The following MVP variants were observed in gnomAD, a reference collection of about 807,000 sequenced individuals.
The protein encoded by MVP is lung resistance-related protein.
In MVP, 62 loss-of-function variants were observed where a neutral mutation model predicts 83.5. The observed-to-expected ratio is 0.74, with a 90% CI of 0.61 to 0.92. The LOEUF (loss-of-function observed/expected upper bound fraction) is 0.92. Among genes scored for constraint, MVP ranks in the 40% least tolerant of loss-of-function variants. The pLI, the probability that MVP is intolerant of heterozygous loss-of-function variation, is 0.00. For missense variants in MVP, 1,000 were observed against 1,203.4 expected (o/e 0.83, Z 2.50); for synonymous variants, 505 against 504.1 (o/e 1.00, Z -0.02).
intron 6 of MVP, 118 bp from the exon 7 acceptor site, chr16:29,836,604 T>G: frequency 1.3e-6 from 1 of 764,866 alleles, no homozygotes; most frequent in Non-Finnish European, 2.1e-6. Flanking sequence ...AATCCCTGGA[T>G]TGGTAGAAAT....
In MVP at chr16:29,830,679, G is replaced by C; in HGVS notation, c.125+5G>C. The C allele has an allele frequency of 6.2e-7, 1 of 1,613,826 alleles. No homozygotes were observed. The highest frequency in any genetic ancestry group is 1.1e-5 in the South Asian group (1 of 91,058). ...CATCCGGCAGGACAATGAGAGGTGGGTGTGGGGGCTGGGCTGTGGGGGATC... is the reference window on the plus strand; with the variant it reads ...CATCCGGCAGGACAATGAGAGGTGGCTGTGGGGGCTGGGCTGTGGGGGATC... On this transcript the variant is annotated splice_donor_5th_base_variant and intron_variant, in intron 2 of 14. Transcript: ENST00000357402.
intron 7 of MVP, among the ~76,000 whole-genome samples, chr16:29,838,118 T>C (rs183803999): frequency 6.6e-6 from 1 of 152,198 alleles, no homozygotes; most frequent in East Asian, 1.9e-4. Context: ...GAATAGTTTA[T>C]CTGCAAAAAC....
At chr16:29,832,148 C>T (rs758045024) in intron 3 of MVP, among the ~76,000 whole-genome samples, 1 of 152,106 alleles carries the variant, frequency 6.6e-6, no homozygotes, top group Non-Finnish European at 1.5e-5. Flanking sequence ...AATAGCAGAA[C>T]ATGGGGAACT....
At chr16:29,843,562 G>GAGGGAGGGAGGA (rs2067554332) in intron 10 of MVP, among the ~76,000 whole-genome samples, 1 of 49,944 alleles carries the variant, frequency 2.0e-5, no homozygotes, top group African/African-American at 1.0e-4. Context: ...GGGAGGGAGG[G>GAGGGAGGGAGGA]AGGGAGGGAG....
intron 1 of MVP, among the ~76,000 whole-genome samples, chr16:29,829,431 G>A (rs945214154): frequency 6.8e-6 from 1 of 146,714 alleles, no homozygotes; most frequent in African/African-American, 2.5e-5. Context: ...CTCCAGCCTG[G>A]GTGACAGAGT....
intron 6 of MVP, 38 bp downstream of exon 6, chr16:29,835,836 G>A: frequency 6.3e-7 from 1 of 1,575,912 alleles, no homozygotes; most frequent in Non-Finnish European, 8.7e-7. Flanking sequence ...GGGACCTGGG[G>A]CTAGGGAACC....
intron 1 of MVP, chr16:29,822,653 C>G (rs2067371992): frequency 6.6e-6 from 1 of 152,264 alleles, no homozygotes; most frequent in Non-Finnish European, 1.5e-5. Context: ...CTGCCTGGAC[C>G]TGGGTAAGGG....
intron 5 of MVP, chr16:29,834,867 G>GTT (rs1295076514): frequency 3.2e-5 from 3 of 94,276 alleles, no homozygotes; most frequent in East Asian, 3.2e-4. Context: ...TTTTTTTTTT[G>GTT]TATTTTTTTT....
At chr16:29,831,314 C>T (rs71389429) in intron 3 of MVP, among the ~76,000 whole-genome samples, 24,398 of 151,986 alleles carry the variant, frequency 0.16, 2,144 homozygotes, top group African/African-American at 0.24. Context: ...CCACCACGCC[C>T]GGCTAATTTT....
At chr16:29,844,462 G>A (rs1399541888) in intron 10 of MVP, 31 bp from the exon 11 acceptor site, 2 of 1,518,886 alleles carry the variant, frequency 1.3e-6, no homozygotes, top group Admixed American at 4.4e-5. Context: ...GGTGAAAGCA[G>A]CTTCCCCATT....
At chr16:29,824,121 CAGG>C (rs1279957896) in intron 1 of MVP, among the ~76,000 whole-genome samples, 2 of 137,346 alleles carry the variant, frequency 1.5e-5, no homozygotes, top group Non-Finnish European at 3.0e-5. Context: ...GAGGCTGAAG[CAGG>C]AGAATTGCTT....
intron 13 of MVP, among the ~76,000 whole-genome samples, chr16:29,846,682 AC>A (rs1314029313): frequency 6.6e-6 from 1 of 152,076 alleles, no homozygotes; most frequent in Non-Finnish European, 1.5e-5. Context: ...ACATGGTGAA[AC>A]CCCATCTCTA....
chr16:29,825,548 A>G (rs2067399114), intron 1 of MVP, among the ~76,000 whole-genome samples: 1 of 152,216 alleles, frequency 6.6e-6, no homozygotes, highest in African/African-American at 2.4e-5. Flanking sequence ...GTCTAGGCAG[A>G]AGGCCCAGGT....
chr16:29,847,637 G>A (rs1313400691), intron 14 of MVP, 125 bp from the exon 15 acceptor site: 1 of 1,045,166 alleles, frequency 9.6e-7, no homozygotes, highest in African/African-American at 1.6e-5. Context: ...CATTTCCAAG[G>A]CAGTCAAGCA....
At chr16:29,844,273 C>T (rs550474946) in intron 10 of MVP, among the ~76,000 whole-genome samples, 9 of 152,158 alleles carry the variant, frequency 5.9e-5, no homozygotes, top group African/African-American at 9.7e-5. Flanking sequence ...AGAGACCCTG[C>T]CCGGCCACAC....
In MVP at chr16:29,825,625, G is replaced by T. The variant is rs541728055; in HGVS notation, c.-35-4890G>T. Among the ~76,000 whole-genome samples, 4 of 152,066 alleles carry T rather than the reference G, an allele frequency of 2.6e-5. No homozygotes were observed. The East Asian group carries it at 7.7e-4, about 29-fold the overall frequency. On this transcript the variant is annotated intron_variant, in intron 1 of 14. Transcript: ENST00000357402. ...TCCTGGTGCTGATGCAGGGGCAGTTGCCGAGGGCTTGGCCTCAGAACAAGG... is the reference window on the plus strand; with the variant it reads ...TCCTGGTGCTGATGCAGGGGCAGTTTCCGAGGGCTTGGCCTCAGAACAAGG...
intron 10 of MVP, 104 bp from the exon 11 acceptor site, chr16:29,844,389 A>T (rs2067562988): frequency 6.9e-7 from 1 of 1,450,752 alleles, no homozygotes; most frequent in Non-Finnish European, 9.1e-7. Context: ...GCCTGAGCCC[A>T]GGAGTTCAAG....
rs759778138 is a variant in MVP at position 29,841,849 on chromosome 16, T to C, written c.1436+9T>C. 3.7e-6 allele frequency: 6 copies of C among 1,608,914 alleles called. No homozygotes were observed. In the South Asian group the frequency reaches 6.6e-5, roughly 18 times the overall value. Reference sequence around the variant, plus strand: ...CGAGAGAAGCGAGCCCGGTGAGTGCTGGCAGCGCAGGGTGTAGGGGGTGGC... The same window carrying C: ...CGAGAGAAGCGAGCCCGGTGAGTGCCGGCAGCGCAGGGTGTAGGGGGTGGC... On this transcript the variant is annotated intron_variant, in intron 9 of 14. Coordinates refer to ENST00000357402, the MANE Select transcript of MVP (RefSeq NM_005115.5). This position sits in a 1 kb window ranked among gnomAD's most constrained non-coding sequence, Gnocchi z 4.7.
chr16:29,828,526 C>T (rs2067419234), intron 1 of MVP, among the ~76,000 whole-genome samples: 1 of 152,024 alleles, frequency 6.6e-6, no homozygotes, highest in South Asian at 2.1e-4. Flanking sequence ...ATTATAGGTA[C>T]CCGCCACCAC....
Sources: gnomAD v4.1 joint callset for allele counts (sites outside exome capture counted in the v4.1 genomes callset) on GRCh38, gnomAD v4.1.1 for gene constraint, Gnocchi (gnomAD v3.1) non-coding constraint, MANE v1.5 for transcripts, NCBI Gene and HGNC (gene_info 2026-07-23, HGNC 2026-07-21) for gene names.